ACP2: variants seen among roughly 807,000 people sequenced by gnomAD.
ACP2 encodes acid phosphatase 2, lysosomal.
Under a neutral mutation model 54.7 loss-of-function variants are expected in ACP2, and 35 were observed. The observed-to-expected ratio is 0.64, with a 90% CI of 0.49 to 0.85. ACP2 has a LOEUF of 0.85. Ranked by LOEUF, ACP2 falls within the 40% of genes least tolerant of loss-of-function variation. The pLI is 0.00. For missense variants in ACP2, 492 were observed against 565.0 expected (o/e 0.87, Z 1.31); for synonymous variants, 210 against 224.4 (o/e 0.94, Z 0.57).
At chr11:47,246,912 A>G (rs891254166) in intron 3 of ACP2, among the ~76,000 whole-genome samples, 4 of 152,120 alleles carry the variant, frequency 2.6e-5, no homozygotes, top group Non-Finnish European at 4.4e-5. Flanking sequence ...TTATTCAGAG[A>G]TAGTGGCTCA....
Position 47,239,948 on chromosome 11 carries a change from G to GA in ACP2, c.*167dup, listed in dbSNP as rs1953824986. ...AACATCAGGCATGGGAATGCTGAGT[G>GA]ACAGGCACCATGGGCCACGCTGAGC... On this transcript the variant is annotated 3_prime_UTR_variant, in exon 11 of 11. Coordinates refer to ENST00000672073, the MANE Select transcript of ACP2 (RefSeq NM_001610.4). 3.1e-6 allele frequency: 2 copies of GA among 647,736 alleles called. No homozygotes were observed. The highest frequency in any genetic ancestry group is 5.2e-6 in the Non-Finnish European group (2 of 381,692). The allele number at this position is 647,736 out of a possible 1,614,324, so 40.1% of individuals were successfully genotyped here.
intron 1 of ACP2, 25 bp from the exon 2 acceptor site, chr11:47,248,158 ATAG>A: frequency 6.4e-7 from 1 of 1,573,250 alleles, no homozygotes; most frequent in Admixed American, 1.9e-5. Context: ...TGGTTTGCCT[ATAG>A]GTCAGAAGCA....
In ACP2 at chr11:47,245,491, C is replaced by T. The variant is rs981895039; in HGVS notation, c.532G>A (p.Glu178Lys). 1.2e-6 allele frequency: 2 copies of T among 1,614,132 alleles called. No individual in the cohort carries two copies. Among genetic ancestry groups the T allele is most frequent in the Admixed American group, 3.3e-5 (2 of 60,012 alleles). ...ETRQTPEYQN[E>K]SSRNAQFLDM... ...CCACTCACTGCATTCCGAGAACTCTCATTCTGATACTCTGGTGTCTGCCGG... is the reference window on the plus strand; with the variant it reads ...CCACTCACTGCATTCCGAGAACTCTTATTCTGATACTCTGGTGTCTGCCGG... Residue 178 changes from glutamate to lysine, a missense_variant, in exon 5 of 11, where the codon GAG becomes AAG. Physicochemically the swap from Glu to Lys is moderately conservative, Grantham distance 56 (BLOSUM62 1). Transcript: ENST00000672073.
chr11:47,247,879 C>T, intron 2 of ACP2, 152 bp from the exon 3 acceptor site: 5 of 905,512 alleles, frequency 5.5e-6, no homozygotes, highest in East Asian at 2.5e-5. Context: ...CAGTCATGCA[C>T]AGCAATATCA....
intron 7 of ACP2, 79 bp from the exon 8 acceptor site, chr11:47,243,400 C>T: frequency 7.8e-7 from 1 of 1,274,686 alleles, no homozygotes; most frequent in Non-Finnish European, 1.1e-6. Flanking sequence ...CTCCTTTCAC[C>T]CTCTGCCAGG....
In ACP2 at chr11:47,242,843, G is replaced by T. The variant is rs1178510348; in HGVS notation, c.1018C>A (p.Leu340Ile). 2.5e-6 allele frequency: 4 copies of T among 1,614,102 alleles called. No homozygotes were observed. The highest frequency in any genetic ancestry group is 3.4e-6 in the Non-Finnish European group (4 of 1,179,920). Residue 340 changes from leucine to isoleucine, a missense_variant, in exon 10 of 11, where the codon CTC (leucine) becomes ATC (isoleucine). By Grantham distance (5) the Leu-to-Ile change is conservative (BLOSUM62 2). Transcript: ENST00000672073. ...CGGTGAGGGCAGCCAGGCAGGCTGA[G>T]CGGCCAGGGGGCCTTGTCACTCTCG... ...RNESDKAPWP[L>I]SLPGCPHRCP...
At chr11:47,245,892 A>T in intron 3 of ACP2, 58 bp from the exon 4 acceptor site, 1 of 1,116,154 alleles carries the variant, frequency 9.0e-7, no homozygotes, top group Non-Finnish European at 1.1e-6. Context: ...GTGTTGGGGA[A>T]GTTTTGGTCA....
intron 7 of ACP2, 127 bp downstream of exon 7, chr11:47,244,608 G>T (rs1289016139): frequency 1.6e-6 from 1 of 633,172 alleles, no homozygotes; most frequent in Admixed American, 2.7e-5. Flanking sequence ...CATGAGGAGG[G>T]GGATTTGGTT....
intron 1 of ACP2, chr11:47,248,338 G>A (rs1228492095): frequency 7.5e-6 from 9 of 1,198,132 alleles, no homozygotes; most frequent in Non-Finnish European, 9.3e-6. Flanking sequence ...GGAGACCATA[G>A]GCAAAGCCAA....
chr11:47,248,371 A>G (rs1464493634), intron 1 of ACP2: 3 of 1,404,094 alleles, frequency 2.1e-6, no homozygotes, highest in African/African-American at 1.4e-5. Context: ...AAGGGAAAAG[A>G]GAAGTGAAAG....
Position 47,244,728 on chromosome 11 carries a change from C to A in ACP2, c.772+7G>T. 6.3e-7 allele frequency: 1 copy of A among 1,597,468 alleles called. No homozygotes were observed. Among genetic ancestry groups the A allele is most frequent in the South Asian group, 1.1e-5 (1 of 89,300 alleles). On this transcript the variant is annotated splice_region_variant and intron_variant, in intron 7 of 10. Transcript: ENST00000672073. The stretch of plus-strand genomic sequence containing the variant: ...GAGTAGAGTGACACGCTGTCCTTGT[C>A]ACTCACCCCCCTGAAGCCGGGCCTT...
intron 10 of ACP2, among the ~76,000 whole-genome samples, chr11:47,241,108 C>T (rs950742502): frequency 3.9e-5 from 6 of 152,154 alleles, no homozygotes; most frequent in African/African-American, 1.4e-4. Context: ...GGCAGGAGAC[C>T]AGATGGAGTA....
chr11:47,247,393 C>T (rs1326276699), intron 3 of ACP2: 2 of 571,008 alleles, frequency 3.5e-6, no homozygotes, highest in African/African-American at 3.8e-5. Context: ...AGTCAGAAAC[C>T]ACTTTGCCAG....
Position 47,248,126 on chromosome 11 carries a change from C to A in ACP2, c.122G>T (p.Arg41Leu), listed in dbSNP as rs1170427664. ...CTTCACTGGTGAACGGTCTCCATGG[C>A]GGTACAGCTGAGAGAATAAAATGGT... ...RSLRFVTLLYRHGDRSPVKTY... is the reference protein window; with the variant it reads ...RSLRFVTLLYLHGDRSPVKTY... The change falls in exon 2 of 11, where the codon CGC becomes CTC. Residue 41 changes from arginine to leucine, a missense_variant. By Grantham distance (102) the Arg-to-Leu change is moderately radical. Transcript: ENST00000672073. The A allele has an allele frequency of 1.9e-6, 3 of 1,604,086 alleles. No individual in the cohort carries two copies. The highest frequency in any genetic ancestry group is 2.5e-6 in the Non-Finnish European group (3 of 1,176,682).
At chr11:47,245,003 T>C (rs1329805874) in intron 6 of ACP2, 136 bp from the exon 7 acceptor site, 2 of 1,432,870 alleles carry the variant, frequency 1.4e-6, no homozygotes, top group South Asian at 2.8e-5. Flanking sequence ...CTGGAACCAG[T>C]AGACATGGCA....
Position 47,245,375 on chromosome 11 carries a change from G to T in ACP2, c.569C>A (p.Ala190Asp). The change falls in exon 6 of 11, where the codon GCC (alanine) becomes GAC (aspartate). Residue 190 changes from alanine (A) to aspartate (D), a missense_variant. Ala to Asp is a moderately radical substitution (Grantham distance 126). Transcript: ENST00000672073. ...CAGGTCTGTAAGCCCTGTCTCGTTG[G>T]CCACCATGTCCAGAAATTGCTATGA... ...SRNAQFLDMV[A>D]NETGLTDLTL... 6.2e-7 allele frequency: 1 copy of T among 1,614,140 alleles called. No individual in the cohort carries two copies. Among genetic ancestry groups the T allele is most frequent in the Non-Finnish European group, 8.5e-7 (1 of 1,180,028 alleles).
chr11:47,247,590 G>T, intron 3 of ACP2, 51 bp downstream of exon 3: 1 of 1,607,534 alleles, frequency 6.2e-7, no homozygotes. Context: ...GAGGGCAAAA[G>T]ATGAGGGCAG....
chr11:47,248,803 T>C lies in ACP2; in HGVS notation c.-14A>G, dbSNP rs541713543. 4.6e-5 allele frequency: 73 copies of C among 1,579,216 alleles called. 1 individual carries two copies. The highest frequency in any genetic ancestry group is 1.7e-6 in the Non-Finnish European group (2 of 1,161,886). Reference sequence around the variant, plus strand: ...CTTGCCCGCCATCACCGTTGTAATCTATGCAGCAAACAAGCTGGAACCCGC... The same window carrying C: ...CTTGCCCGCCATCACCGTTGTAATCCATGCAGCAAACAAGCTGGAACCCGC... On this transcript the variant is annotated 5_prime_UTR_variant, in exon 1 of 11. The change creates a new upstream start codon in the 5' untranslated region. Coordinates refer to ENST00000672073, the MANE Select transcript of ACP2 (RefSeq NM_001610.4).
intron 3 of ACP2, among the ~76,000 whole-genome samples, chr11:47,247,050 C>T (rs1011980303): frequency 2.0e-5 from 3 of 152,026 alleles, no homozygotes; most frequent in Non-Finnish European, 4.4e-5. Context: ...GAACAGCTTC[C>T]CCCATTCCTG....
Sources: gnomAD v4.1 joint callset for allele counts (sites outside exome capture counted in the v4.1 genomes callset) on GRCh38, gnomAD v4.1.1 for gene constraint, MANE v1.5 for transcripts, NCBI Gene and HGNC (gene_info 2026-07-23, HGNC 2026-07-21) for gene names.